The following HDAC9 variants were observed in gnomAD, a reference collection of about 807,000 sequenced individuals.
HDAC9 encodes the protein MEF-2 interacting transcription repressor (MITR) protein.
HDAC9 carries 41 observed loss-of-function variants against 139.4 expected under a neutral mutation model. That is an observed-to-expected ratio of 0.29 (90% CI 0.23 to 0.38). The LOEUF (loss-of-function observed/expected upper bound fraction) is 0.38. HDAC9 is among the 10% of genes least tolerant of loss of function. The pLI is 1.00. For missense variants in HDAC9, 1,147 were observed against 1,297.0 expected (o/e 0.88, Z 1.78); for synonymous variants, 517 against 476.2 (o/e 1.09, Z -1.12).
intron 1 of HDAC9, among the ~76,000 whole-genome samples, chr7:18,346,235 T>G (rs1043043028): frequency 6.6e-6 from 1 of 152,168 alleles, no homozygotes; most frequent in African/African-American, 2.4e-5. Context: ...TAAAAATGTC[T>G]TATGAATTAT....
In HDAC9 at chr7:18,797,235, T is replaced by G. The variant is rs1053554186; in HGVS notation, c.2322+3783T>G. Among the ~76,000 whole-genome samples, 5 of 152,218 alleles carry G rather than the reference T, an allele frequency of 3.3e-5. No homozygotes were observed. In the East Asian group the frequency reaches 5.8e-4, roughly 18 times the overall value. On this transcript the variant is annotated intron_variant, in intron 17 of 25. Transcript: ENST00000686413. ...GTAAATCTGATAATCCTCTGTTTTC[T>G]TTCAACCACTCTATCAGGACATTCT...
intron 2 of HDAC9, among the ~76,000 whole-genome samples, chr7:18,270,050 C>A (rs548168309): frequency 6.6e-6 from 1 of 152,156 alleles, no homozygotes; most frequent in Admixed American, 6.5e-5. Context: ...AGTCATATCC[C>A]TGGCTTCTAT....
intron 1 of HDAC9, among the ~76,000 whole-genome samples, chr7:18,439,157 A>T (rs1164136842): frequency 6.6e-6 from 1 of 152,158 alleles, no homozygotes; most frequent in Non-Finnish European, 1.5e-5. Context: ...TTCGCTTCTG[A>T]TCATCCCAGA....
chr7:18,506,690 T>A (rs1278434247), intron 2 of HDAC9, among the ~76,000 whole-genome samples: 1 of 152,142 alleles, frequency 6.6e-6, no homozygotes, highest in Non-Finnish European at 1.5e-5. Context: ...CAAGTATACA[T>A]CATGAATGAC....
chr7:18,793,350 C>T lies in HDAC9; in HGVS notation c.2220C>T (p.Asp740=), dbSNP rs1792499647. 1.3e-6 allele frequency: 2 copies of T among 1,570,244 alleles called. No homozygotes were observed. The highest frequency in any genetic ancestry group is 2.7e-5 in the African/African-American group (2 of 73,870). Residue 740 remains aspartate (D), a synonymous_variant, in exon 17 of 26, where the codon GAC becomes GAT. Coordinates refer to ENST00000686413, the MANE Select transcript of HDAC9 (RefSeq NM_178425.4). ...TCTGCTGACTGTTTGCTCAGGTGGA[C>T]AGTGACACCATTTGGAATGAGCTAC... ...SSLPCGGLGV[D]SDTIWNELHS... is the part of the protein sequence containing the mutation.
chr7:18,225,451 A>G (rs2128179122), intron 2 of HDAC9, among the ~76,000 whole-genome samples: 1 of 152,286 alleles, frequency 6.6e-6, no homozygotes, highest in South Asian at 2.1e-4. Flanking sequence ...TCTTTTTGTC[A>G]TAAATACAAA....
At chr7:18,987,851 G>C (rs191588732) in intron 25 of HDAC9, among the ~76,000 whole-genome samples, 1 of 152,112 alleles carries the variant, frequency 6.6e-6, no homozygotes, top group African/African-American at 2.4e-5. Flanking sequence ...TAGTTTATTG[G>C]CGTAGAGGTG....
chr7:18,550,656 T>G (rs1816814053), intron 2 of HDAC9, among the ~76,000 whole-genome samples: 1 of 152,196 alleles, frequency 6.6e-6, no homozygotes, highest in Admixed American at 6.5e-5. Flanking sequence ...TAAGGAATTT[T>G]GCCATAAATT....
At chr7:18,864,994 T>C (rs967056213) in intron 21 of HDAC9, among the ~76,000 whole-genome samples, 2 of 152,194 alleles carry the variant, frequency 1.3e-5, no homozygotes, top group African/African-American at 4.8e-5. Flanking sequence ...TCAGGCATAT[T>C]TGTGAATAGA....
intron 16 of HDAC9, among the ~76,000 whole-genome samples, chr7:18,789,288 A>G (rs6949209): frequency 0.032 from 1,252 of 38,566 alleles, 7 homozygotes; most frequent in Non-Finnish European, 0.056. Context: ...ACATACACGC[A>G]CACACACACA....
At chr7:18,613,643 A>G (rs976793544) in intron 6 of HDAC9, among the ~76,000 whole-genome samples, 3 of 152,154 alleles carry the variant, frequency 2.0e-5, no homozygotes, top group African/African-American at 7.2e-5. Context: ...TGATATCATT[A>G]CCTATATGAT....
At chr7:18,745,478 C>G (rs959472180) in intron 13 of HDAC9, among the ~76,000 whole-genome samples, 6 of 147,304 alleles carry the variant, frequency 4.1e-5, no homozygotes, top group African/African-American at 1.5e-4. Context: ...TTAGATATGT[C>G]AAGAGATGAA....
chr7:18,697,139 C>A (rs989201737), intron 12 of HDAC9, among the ~76,000 whole-genome samples: 1 of 152,148 alleles, frequency 6.6e-6, no homozygotes, highest in Non-Finnish European at 1.5e-5. Context: ...GGAAGACTCT[C>A]CTTGTAAGGA....
intron 1 of HDAC9, among the ~76,000 whole-genome samples, chr7:18,425,322 A>G (rs1489773039): frequency 1.3e-5 from 2 of 152,208 alleles, no homozygotes; most frequent in African/African-American, 4.8e-5. Flanking sequence ...ATGTATCACA[A>G]TGACACTGTT....
chr7:18,711,536 TGTTGAGGAATGAGTCTGTGCTCA>T (rs1346396331), intron 12 of HDAC9, among the ~76,000 whole-genome samples: 1 of 152,200 alleles, frequency 6.6e-6, no homozygotes, highest in Non-Finnish European at 1.5e-5. Flanking sequence ...GTCTTGCACG[TGTTGAGGAATGAGTCTGTGCTCA>T]GTTGAGAGCC....
intron 2 of HDAC9, among the ~76,000 whole-genome samples, chr7:18,179,069 A>G (rs948696166): frequency 6.6e-6 from 1 of 152,222 alleles, no homozygotes; most frequent in African/African-American, 2.4e-5. Context: ...GTATCTGGTC[A>G]AATGGAGTTC....
intron 2 of HDAC9, among the ~76,000 whole-genome samples, chr7:18,177,623 T>G (rs1049715962): frequency 6.6e-6 from 1 of 152,174 alleles, no homozygotes; most frequent in African/African-American, 2.4e-5. Context: ...GAGGCCTTCC[T>G]GGGTGACGCT....
At chr7:18,884,748 G>A (rs529801107) in intron 22 of HDAC9, among the ~76,000 whole-genome samples, 2 of 152,264 alleles carry the variant, frequency 1.3e-5, no homozygotes, top group African/African-American at 4.8e-5. Flanking sequence ...TCTTTAGTAT[G>A]TAGCACTTGA....
At chr7:18,594,127 G>A (rs1018153964) in intron 6 of HDAC9, 98 bp downstream of exon 6, 22 of 1,315,502 alleles carry the variant, frequency 1.7e-5, no homozygotes, top group South Asian at 4.0e-5. Context: ...GATTTGAGTC[G>A]TAGATAATAT....
Sources: allele counts gnomAD v4.1 joint callset (sites outside exome capture counted in the v4.1 genomes callset), GRCh38; gene constraint gnomAD v4.1.1; transcripts MANE v1.5; gene names NCBI Gene and HGNC (gene_info 2026-07-23, HGNC 2026-07-21).